Variants in PTPRD observed in about 807,000 individuals in gnomAD.
PTPRD encodes the protein protein tyrosine phosphatase receptor type D, also known as receptor-type tyrosine-protein phosphatase delta.
In PTPRD, 34 loss-of-function variants were observed where a neutral mutation model predicts 214.5. That is an observed-to-expected ratio of 0.16 (90% CI 0.12 to 0.21). PTPRD has a LOEUF of 0.21. Among genes scored for constraint, PTPRD ranks in the 10% least tolerant of loss-of-function variants. The pLI is 1.00. For synonymous variants in PTPRD, 1,128 were observed against 845.7 expected (o/e 1.33, Z -5.79); for missense variants, 2,545 against 2,398.7 (o/e 1.06, Z -1.27).
At chr9:9,824,156 G>A (rs2476593) in intron 5 of PTPRD, among the ~76,000 whole-genome samples, 66,447 of 151,430 alleles carry the variant, frequency 0.44, 17,790 homozygotes, top group African/African-American at 0.76. Flanking sequence ...CTTAGCAAAG[G>A]TATCTCATTA....
chr9:9,904,799 C>T (rs537198817), intron 5 of PTPRD, among the ~76,000 whole-genome samples: 18 of 152,102 alleles, frequency 1.2e-4, no homozygotes, highest in African/African-American at 4.3e-4. Flanking sequence ...ACATAAAAGA[C>T]ATTCACCGAA....
At chr9:9,888,036 G>A (rs534101320) in intron 5 of PTPRD, among the ~76,000 whole-genome samples, 1 of 152,126 alleles carries the variant, frequency 6.6e-6, no homozygotes, top group African/African-American at 2.4e-5. Flanking sequence ...AAACTGGCCC[G>A]TTAGCAAGGA....
chr9:9,658,912 T>C (rs1233794353), intron 7 of PTPRD, among the ~76,000 whole-genome samples: 1 of 152,134 alleles, frequency 6.6e-6, no homozygotes, highest in African/African-American at 2.4e-5. Context: ...AGCCTAGATT[T>C]AAATCTGGCA....
chr9:9,796,830 T>C (rs2099005651), intron 5 of PTPRD, among the ~76,000 whole-genome samples: 1 of 152,158 alleles, frequency 6.6e-6, no homozygotes, highest in Non-Finnish European at 1.5e-5. Flanking sequence ...TGAGGTATGA[T>C]TTGGCATATA....
chr9:10,261,199 CA>C (rs1386944564), intron 3 of PTPRD, among the ~76,000 whole-genome samples: 1 of 150,778 alleles, frequency 6.6e-6, no homozygotes, highest in East Asian at 1.9e-4. Context: ...TTGGAGAAAA[CA>C]AAACAAAACA....
At position 8,498,926 on chromosome 9, in the gene PTPRD, T is replaced by G. The variant is rs73426372; in HGVS notation, c.2322+721A>C. On this transcript the variant is annotated intron_variant, in intron 25 of 45. Transcript: ENST00000381196. ...TTTTGGAAATTTTCAATGCTCTGTT[T>G]TAAACAACTAATTATAAAACCGGGT... is the stretch of plus-strand genomic sequence containing the variant. Among the ~76,000 whole-genome samples, 281 of 152,322 alleles carry G rather than the reference T, an allele frequency of 1.8e-3. 2 individuals are homozygous for G. Among genetic ancestry groups the G allele is most frequent in the African/African-American group, 6.5e-3 (272 of 41,560 alleles).
chr9:9,688,497 A>G (rs1211190589), intron 7 of PTPRD, among the ~76,000 whole-genome samples: 1 of 151,884 alleles, frequency 6.6e-6, no homozygotes, highest in African/African-American at 2.4e-5. Context: ...AAATGAGCCT[A>G]TGATTAAGAT....
intron 10 of PTPRD, among the ~76,000 whole-genome samples, chr9:9,169,021 A>G (rs925355292): frequency 6.6e-6 from 1 of 151,988 alleles, no homozygotes; most frequent in Non-Finnish European, 1.5e-5. Flanking sequence ...CTTCTGTCAT[A>G]GAAATAACCA....
chr9:9,554,738 C>G (rs1341764682), intron 8 of PTPRD, among the ~76,000 whole-genome samples: 2 of 151,948 alleles, frequency 1.3e-5, no homozygotes, highest in Non-Finnish European at 2.9e-5. Context: ...AAAAGAATTG[C>G]AGAGGAAACG....
intron 2 of PTPRD, among the ~76,000 whole-genome samples, chr9:10,578,426 A>C (rs1262136240): frequency 6.6e-6 from 1 of 152,156 alleles, no homozygotes; most frequent in Admixed American, 6.5e-5. Context: ...GGGTTCTTAC[A>C]AATTTTTCAT....
chr9:8,347,282 C>G (rs1313607821), intron 39 of PTPRD, among the ~76,000 whole-genome samples: 1 of 152,054 alleles, frequency 6.6e-6, no homozygotes, highest in Admixed American at 6.6e-5. Flanking sequence ...TCCCACCATC[C>G]AGGGACAAAG....
intron 3 of PTPRD, among the ~76,000 whole-genome samples, chr9:10,227,477 TAC>T (rs1218030547): frequency 3.3e-5 from 5 of 152,084 alleles, no homozygotes; most frequent in African/African-American, 1.2e-4. Context: ...GTGAAAACTT[TAC>T]AGTCTCTCTG....
intron 2 of PTPRD, among the ~76,000 whole-genome samples, chr9:10,403,165 T>C (rs1255598621): frequency 6.8e-6 from 1 of 147,516 alleles, no homozygotes; most frequent in East Asian, 2.0e-4. Context: ...AATAAAGCTT[T>C]GGCCTTAAGC....
At chr9:10,606,617 G>A (rs922887361) in intron 2 of PTPRD, among the ~76,000 whole-genome samples, 1 of 149,930 alleles carries the variant, frequency 6.7e-6, no homozygotes, top group Non-Finnish European at 1.5e-5. Context: ...TATTTTCTAT[G>A]TGGTATAAAG....
chr9:9,231,727 C>G (rs1278845900), intron 9 of PTPRD, among the ~76,000 whole-genome samples: 1 of 151,758 alleles, frequency 6.6e-6, no homozygotes, highest in African/African-American at 2.4e-5. Flanking sequence ...AGAAATGCTT[C>G]CTTTTTCTTT....
chr9:8,925,342 G>A (rs1374857756), intron 11 of PTPRD, among the ~76,000 whole-genome samples: 1 of 151,910 alleles, frequency 6.6e-6, no homozygotes, highest in Non-Finnish European at 1.5e-5. Flanking sequence ...TGCAGGGGAA[G>A]GTACATTCTC....
intron 3 of PTPRD, among the ~76,000 whole-genome samples, chr9:10,117,566 C>T (rs1297269299): frequency 6.6e-6 from 1 of 151,298 alleles, no homozygotes; most frequent in African/African-American, 2.4e-5. Context: ...TTCAATCTAC[C>T]TCCTTCTTCA....
chr9:8,321,923 A>C (rs1280602273), intron 44 of PTPRD, among the ~76,000 whole-genome samples: 2 of 151,966 alleles, frequency 1.3e-5, no homozygotes, highest in Non-Finnish European at 2.9e-5. Flanking sequence ...CCATTTTTCC[A>C]CCAGCACATA....
intron 2 of PTPRD, among the ~76,000 whole-genome samples, chr9:10,420,821 TCA>T (rs2098538783): frequency 6.6e-6 from 1 of 151,914 alleles, no homozygotes. Flanking sequence ...TTTTATACTG[TCA>T]GAGTTAGGTA....
Sources: allele counts gnomAD v4.1 joint callset (sites outside exome capture counted in the v4.1 genomes callset), GRCh38; gene constraint gnomAD v4.1.1; transcripts MANE v1.5; gene names NCBI Gene and HGNC (gene_info 2026-07-23, HGNC 2026-07-21).